PRKCQ: variants seen among roughly 807,000 people sequenced by gnomAD.
The protein encoded by PRKCQ is protein kinase C theta, also known as protein kinase C theta type.
Under a neutral mutation model 91.2 loss-of-function variants are expected in PRKCQ, and 41 were observed. That is an observed-to-expected ratio of 0.45 (90% CI 0.35 to 0.58). The LOEUF is 0.58. Ranked by LOEUF, PRKCQ falls within the 20% of genes least tolerant of loss-of-function variation. PRKCQ has a pLI of 0.00. For synonymous variants in PRKCQ, 307 were observed against 316.9 expected (o/e 0.97, Z 0.33); for missense variants, 673 against 896.5 (o/e 0.75, Z 3.18).
intron 3 of PRKCQ, among the ~76,000 whole-genome samples, chr10:6,508,640 C>A (rs1838317985): frequency 6.6e-6 from 1 of 152,186 alleles, no homozygotes; most frequent in Admixed American, 6.5e-5. Flanking sequence ...CCATTGTTCT[C>A]TGGCTTGTGA....
chr10:6,574,302 G>A (rs1247362558), intron 1 of PRKCQ, among the ~76,000 whole-genome samples: 2 of 152,162 alleles, frequency 1.3e-5, no homozygotes, highest in Non-Finnish European at 2.9e-5. Context: ...AACCTGAATG[G>A]CACTTGTATA....
At chr10:6,442,181 T>C in intron 15 of PRKCQ, 100 bp from the exon 16 acceptor site, 4 of 1,181,686 alleles carry the variant, frequency 3.4e-6, no homozygotes, top group Non-Finnish European at 4.7e-6. Flanking sequence ...TGGTCGAGGA[T>C]GATGGTGTGC....
intron 8 of PRKCQ, among the ~76,000 whole-genome samples, chr10:6,488,963 G>A (rs1343560351): frequency 3.3e-5 from 5 of 151,608 alleles, no homozygotes; most frequent in African/African-American, 4.9e-5. Context: ...TTTATTTTTC[G>A]TAGAGATGGG....
At chr10:6,407,707 G>C in the PRKCQ span, among the ~76,000 whole-genome samples, 29 of 151,514 alleles carry the variant, frequency 1.9e-4, no homozygotes, top group South Asian at 5.9e-3. This position sits in a 1 kb window ranked among gnomAD's most constrained non-coding sequence, Gnocchi z 4.0. Flanking sequence ...TGGTGTGTGT[G>C]GTGTGTGTGT....
intron 7 of PRKCQ, among the ~76,000 whole-genome samples, chr10:6,495,793 G>A (rs1202791193): frequency 6.6e-6 from 1 of 152,192 alleles, no homozygotes; most frequent in African/African-American, 2.4e-5. Context: ...AGACATTGGA[G>A]ACTACAGATG....
chr10:6,538,420 G>A (rs1227700150), intron 1 of PRKCQ, among the ~76,000 whole-genome samples: 3 of 152,252 alleles, frequency 2.0e-5, no homozygotes, highest in Non-Finnish European at 4.4e-5. Flanking sequence ...GAGAGGAAAC[G>A]TTTTACAGAA....
chr10:6,418,214 A>C, the PRKCQ span, among the ~76,000 whole-genome samples: 1 of 152,248 alleles, frequency 6.6e-6, no homozygotes, highest in Non-Finnish European at 1.5e-5. Flanking sequence ...TGTATTAAAA[A>C]GAAAGGAAAA....
intron 11 of PRKCQ, among the ~76,000 whole-genome samples, chr10:6,480,516 C>T (rs1836539631): frequency 6.6e-6 from 1 of 152,224 alleles, no homozygotes; most frequent in African/African-American, 2.4e-5. Context: ...CATTTGGATA[C>T]AGAAAATTCT....
chr10:6,397,527 C>T, the PRKCQ span, among the ~76,000 whole-genome samples: 6 of 152,190 alleles, frequency 3.9e-5, no homozygotes, highest in African/African-American at 1.2e-4. Context: ...TGTCTCTTCA[C>T]TTCCTTGATA....
At chr10:6,529,718 G>T (rs1839323566) in intron 1 of PRKCQ, among the ~76,000 whole-genome samples, 1 of 152,212 alleles carries the variant, frequency 6.6e-6, no homozygotes. Context: ...TCTTGGACAA[G>T]TGACTTAATC....
At chr10:6,411,105 C>A in the PRKCQ span, among the ~76,000 whole-genome samples, 12 of 152,060 alleles carry the variant, frequency 7.9e-5, 1 homozygote, top group South Asian at 1.0e-3. Context: ...CTTAGGTCAT[C>A]GGTATATTTT....
At chr10:6,537,252 C>A (rs1839617164) in intron 1 of PRKCQ, among the ~76,000 whole-genome samples, 1 of 152,138 alleles carries the variant, frequency 6.6e-6, no homozygotes, top group African/African-American at 2.4e-5. Flanking sequence ...AACCAATAAG[C>A]CATTTTGTTA....
chr10:6,544,904 G>A (rs1466143195), intron 1 of PRKCQ, among the ~76,000 whole-genome samples: 1 of 151,968 alleles, frequency 6.6e-6, no homozygotes, highest in African/African-American at 2.4e-5. Flanking sequence ...ACAGGCGTGA[G>A]CCACTGCGCC....
In PRKCQ at chr10:6,467,010, G is replaced by A. The variant is rs970852489; in HGVS notation, c.1354-2606C>T. ...GGTAGTAATACTCCTACCTCCTAGG[G>A]TTGCTGTGGGTATTAAACAAAATAG... On this transcript the variant is annotated intron_variant, in intron 12 of 17. Coordinates refer to ENST00000263125, the MANE Select transcript of PRKCQ (RefSeq NM_006257.5). 7.2e-5 allele frequency among the ~76,000 whole-genome samples: 11 copies of A among 152,084 alleles called. 1 individual carries two copies. The highest frequency in any genetic ancestry group is 3.3e-4 in the Admixed American group (5 of 15,268).
chr10:6,479,769 A>T (rs1431234343), intron 11 of PRKCQ, among the ~76,000 whole-genome samples: 1 of 70,022 alleles, frequency 1.4e-5, no homozygotes. Flanking sequence ...GTCTCGACTA[A>T]AAAAAAAAAA....
At chr10:6,467,888 T>C (rs548485509) in intron 12 of PRKCQ, among the ~76,000 whole-genome samples, 394 of 152,286 alleles carry the variant, frequency 2.6e-3, no homozygotes, top group African/African-American at 8.9e-3. Flanking sequence ...ATGACTCTTA[T>C]GTTTGTGTTA....
At chr10:6,400,718 GAA>G in the PRKCQ span, among the ~76,000 whole-genome samples, 664 of 136,376 alleles carry the variant, frequency 4.9e-3, 2 homozygotes, top group African/African-American at 0.014. Context: ...TTAAGAAACT[GAA>G]AAAAAAAAAA....
At chr10:6,503,117 G>GTGC (rs1319920306) in intron 4 of PRKCQ, among the ~76,000 whole-genome samples, 1 of 152,214 alleles carries the variant, frequency 6.6e-6, no homozygotes, top group Non-Finnish European at 1.5e-5. Context: ...TGAGAGCAGA[G>GTGC]TGCTGACAAA....
chr10:6,423,037 G>A (rs1037136108), downstream of PRKCQ, among the ~76,000 whole-genome samples: 17 of 152,148 alleles, frequency 1.1e-4, no homozygotes, highest in Admixed American at 1.1e-3. Context: ...TCTTCACTAT[G>A]CTTATTTCAG....
Sources: allele counts gnomAD v4.1 joint callset (sites outside exome capture counted in the v4.1 genomes callset), GRCh38; gene constraint gnomAD v4.1.1; non-coding constraint Gnocchi (gnomAD v3.1); transcripts MANE v1.5; gene names NCBI Gene and HGNC (gene_info 2026-07-23, HGNC 2026-07-21).